Variants in CTNND1 observed in about 807,000 individuals in gnomAD.
CTNND1 encodes the protein catenin delta 1.
A neutral mutation model predicts 112.1 loss-of-function variants in CTNND1; 16 were observed. The observed-to-expected ratio is 0.14, with a 90% confidence interval of 0.10 to 0.22. CTNND1 has a LOEUF of 0.22. Among genes scored for constraint, CTNND1 ranks in the 10% least tolerant of loss-of-function variants. The probability of loss-of-function intolerance (pLI) is 1.00; values close to 1 mark genes in which losing one functional copy is unlikely to be tolerated. For synonymous variants in CTNND1, 420 were observed against 446.5 expected (o/e 0.94, Z 0.75); for missense variants, 1,008 against 1,257.0 (o/e 0.80, Z 3.00).
At chr11:57,808,368 C>A in intron 13 of CTNND1, 22 bp from the exon 14 acceptor site, 1 of 1,598,130 alleles carries the variant, frequency 6.3e-7, no homozygotes, top group Non-Finnish European at 8.6e-7. Context: ...TTTGTTCCAC[C>A]CCTTTCTATT....
At chr11:57,814,863 T>C (rs1301360541) in intron 18 of CTNND1, among the ~76,000 whole-genome samples, 1 of 152,176 alleles carries the variant, frequency 6.6e-6, no homozygotes, top group African/African-American at 2.4e-5. Context: ...TGCAGCATAT[T>C]TCACTCGCTC....
At chr11:57,804,255 T>G (rs992460073) in intron 8 of CTNND1, among the ~76,000 whole-genome samples, 1 of 152,234 alleles carries the variant, frequency 6.6e-6, no homozygotes, top group African/African-American at 2.4e-5. Context: ...CTCTTCTTAT[T>G]TATCTTTTTG....
intron 1 of CTNND1, among the ~76,000 whole-genome samples, chr11:57,772,096 A>AT (rs536394341): frequency 0.015 from 1,953 of 129,836 alleles, 32 homozygotes; most frequent in Non-Finnish European, 0.02. Flanking sequence ...TAATTTTTGT[A>AT]TTTTTTTTTT....
chr11:57,781,635 A>G (rs1047592183), intron 1 of CTNND1: 1 of 152,270 alleles, frequency 6.6e-6, no homozygotes, highest in East Asian at 1.9e-4. Context: ...GCAAGGTTGC[A>G]CAGGGATCCA....
chr11:57,806,693 C>A, intron 11 of CTNND1: 1 of 631,426 alleles, frequency 1.6e-6, no homozygotes, highest in East Asian at 2.7e-5. Context: ...AGGACAATAG[C>A]ATCAACAGTG....
chr11:57,804,950 G>T (rs1185174437), intron 9 of CTNND1, among the ~76,000 whole-genome samples, 170 bp downstream of exon 9: 1 of 152,200 alleles, frequency 6.6e-6, no homozygotes, highest in Non-Finnish European at 1.5e-5. Flanking sequence ...CCAGCCTGGG[G>T]TGCAGTGATG....
chr11:57,792,724 T>C (rs951389492), intron 3 of CTNND1, among the ~76,000 whole-genome samples: 8 of 152,048 alleles, frequency 5.3e-5, no homozygotes, highest in Non-Finnish European at 1.2e-4. Flanking sequence ...AGAAATGGGG[T>C]TTCACCATGT....
chr11:57,775,277 G>C (rs1308093729), intron 1 of CTNND1, among the ~76,000 whole-genome samples: 1 of 149,704 alleles, frequency 6.7e-6, no homozygotes, highest in Non-Finnish European at 1.5e-5. Context: ...GCTAAGGAGA[G>C]ACTTGAGCCC....
chr11:57,773,487 T>C (rs1213828501), intron 1 of CTNND1, among the ~76,000 whole-genome samples: 1 of 151,658 alleles, frequency 6.6e-6, no homozygotes, highest in East Asian at 2.0e-4. Context: ...TTTAAGCTCT[T>C]GTTGCCCAGG....
intron 1 of CTNND1, among the ~76,000 whole-genome samples, chr11:57,768,462 C>T (rs1251498422): frequency 5.2e-5 from 7 of 135,488 alleles, no homozygotes; most frequent in Non-Finnish European, 1.1e-4. Flanking sequence ...GGCGCGATCT[C>T]GGCTCACTGC....
At position 57,788,340 on chromosome 11, in the gene CTNND1, G is replaced by A. The variant is rs1278898478; in HGVS notation, c.-213-697G>A. Among the ~76,000 whole-genome samples the A allele has an allele frequency of 1.3e-5, 2 of 152,162 alleles. No homozygotes were observed. The highest frequency in any genetic ancestry group is 6.5e-5 in the Admixed American group (1 of 15,274). On this transcript the variant is annotated intron_variant, in intron 1 of 20. Coordinates refer to ENST00000399050, the MANE Select transcript of CTNND1 (RefSeq NM_001085458.2). The surrounding 1 kb of genome is among the most constrained non-coding windows in gnomAD (Gnocchi z 4.1). ...CTGAAAGGAAGAAGAGTTGATAGGC[G>A]ATTATGGGAACTTCGAGCTGGGGTA...
chr11:57,799,979 G>GTTTTTT (rs1157141511), intron 6 of CTNND1, among the ~76,000 whole-genome samples: 4 of 58,860 alleles, frequency 6.8e-5, no homozygotes, highest in Non-Finnish European at 9.2e-5. Flanking sequence ...TTGTTTCCGT[G>GTTTTTT]TTTTTTTTTT....
chr11:57,764,536 C>T (rs1349551728), intron 1 of CTNND1, among the ~76,000 whole-genome samples: 3 of 152,118 alleles, frequency 2.0e-5, no homozygotes, highest in African/African-American at 4.8e-5. Context: ...TTTTGGTACC[C>T]TGTTAGTAAC....
At chr11:57,806,134 T>C in intron 10 of CTNND1, 99 bp downstream of exon 10, 1 of 1,421,290 alleles carries the variant, frequency 7.0e-7, no homozygotes. Context: ...AGTATGGGAG[T>C]CTGCCTGGTT....
rs547318191 is a variant in CTNND1 at position 57,818,331 on chromosome 11, C to G, written c.*2023C>G. 1 of 152,460 alleles carries G rather than the reference C, an allele frequency of 6.6e-6. No individual in the cohort carries two copies. The highest frequency in any genetic ancestry group is 1.9e-4 in the East Asian group (1 of 5,182). The allele number at this position is 152,460 out of a possible 1,614,324, so 9.4% of individuals were successfully genotyped here. ...AGAACCAAAAATCCCACCTTCCCAC[C>G]GAACACTACTAAGGGGCTTGTGTTC... is the stretch of plus-strand genomic sequence containing the variant. On this transcript the variant is annotated 3_prime_UTR_variant, in exon 21 of 21. Coordinates refer to ENST00000399050, the MANE Select transcript of CTNND1 (RefSeq NM_001085458.2).
In CTNND1 at chr11:57,801,949, A is replaced by G; in HGVS notation, c.1173A>G (p.Gln391=). 1 of 1,614,046 alleles carries G rather than the reference A, an allele frequency of 6.2e-7. No homozygotes were observed. Among genetic ancestry groups the G allele is most frequent in the Non-Finnish European group, 8.5e-7 (1 of 1,179,904 alleles). ...AVKSNAAAYL[Q]HLCYRNDKVK... is the part of the protein sequence containing the mutation. ...AGTCCAATGCAGCTGCATACCTGCA[A>G]CACTTATGCTACCGCAATGACAAGG... The change falls in exon 7 of 21, where the codon CAA becomes CAG. Residue 391 remains glutamine, a synonymous_variant. Coordinates refer to ENST00000399050, the MANE Select transcript of CTNND1 (RefSeq NM_001085458.2).
Position 57,805,521 on chromosome 11 carries a change from G to T in CTNND1, c.1723-361G>T, listed in dbSNP as rs990838624. Among the ~76,000 whole-genome samples the T allele has an allele frequency of 2.7e-5, 4 of 150,366 alleles. No individual in the cohort carries two copies. The Admixed American group carries it at 2.7e-4, about 10-fold the overall frequency. On this transcript the variant is annotated intron_variant, in intron 9 of 20. Coordinates refer to ENST00000399050, the MANE Select transcript of CTNND1 (RefSeq NM_001085458.2). ...GCCTCCCAAAGTGCTGGGATTACAG[G>T]TGTGAGCCACTGTGCCCGGCTTTTT...
chr11:57,800,769 T>C lies in CTNND1; in HGVS notation c.957-964T>C, dbSNP rs978292417. ...GAGAGCTCCACACAATAGATTATCC[T>C]CTCCTGTGGGAGCCAGAAAGAGATG... On this transcript the variant is annotated intron_variant, in intron 6 of 20. Transcript: ENST00000399050. Among the ~76,000 whole-genome samples the C allele has an allele frequency of 2.0e-5, 3 of 152,166 alleles. No individual in the cohort carries two copies. In the South Asian group the frequency reaches 6.2e-4, roughly 32 times the overall value.
intron 5 of CTNND1, 104 bp from the exon 6 acceptor site, chr11:57,796,353 C>T: frequency 8.7e-7 from 1 of 1,146,408 alleles, no homozygotes. Flanking sequence ...CGCCATTGCA[C>T]TCCAGCCAGG....
Sources: gnomAD v4.1 joint callset for allele counts (sites outside exome capture counted in the v4.1 genomes callset) on GRCh38, gnomAD v4.1.1 for gene constraint, Gnocchi (gnomAD v3.1) non-coding constraint, MANE v1.5 for transcripts, NCBI Gene and HGNC (gene_info 2026-07-23, HGNC 2026-07-21) for gene names.